Variants in RAD51B observed in about 807,000 individuals in gnomAD.
RAD51B encodes the protein DNA repair protein RAD51 homolog 2.
Under a neutral mutation model 42.2 loss-of-function variants are expected in RAD51B, and 38 were observed. That is an observed-to-expected ratio of 0.90 (90% CI 0.70 to 1.18). The LOEUF is 1.18. Ranked by LOEUF, RAD51B falls within the 50% of genes most tolerant of loss-of-function variation. The pLI is 0.00. For synonymous variants in RAD51B, 154 were observed against 145.2 expected, an observed-to-expected ratio of 1.06 and a Z score of -0.43; for missense variants, 373 against 400.7, an observed-to-expected ratio of 0.93 and a Z score of 0.59.
intron 7 of RAD51B, among the ~76,000 whole-genome samples, chr14:67,919,583 T>C (rs1035506219): frequency 2.6e-5 from 4 of 152,188 alleles, no homozygotes; most frequent in African/African-American, 7.2e-5. Flanking sequence ...TTGTCACTTC[T>C]CTAAAATTTA....
chr14:68,646,189 T>C (rs2140134245), intron 10 of RAD51B, among the ~76,000 whole-genome samples: 1 of 152,348 alleles, frequency 6.6e-6, no homozygotes, highest in African/African-American at 2.4e-5. Context: ...AGGGCTTTTC[T>C]GTAAACTAGT....
At chr14:68,643,769 C>T (rs1364430776) in intron 10 of RAD51B, among the ~76,000 whole-genome samples, 1 of 152,174 alleles carries the variant, frequency 6.6e-6, no homozygotes, top group Admixed American at 6.5e-5. Flanking sequence ...TCTGGGAGGA[C>T]CATCCACCCC....
At chr14:67,964,626 T>C (rs1395553670) in intron 7 of RAD51B, among the ~76,000 whole-genome samples, 1 of 152,202 alleles carries the variant, frequency 6.6e-6, no homozygotes, top group African/African-American at 2.4e-5. Flanking sequence ...CTTTTTCTTT[T>C]TTTTTCCCCC....
intron 3 of RAD51B, among the ~76,000 whole-genome samples, chr14:67,830,877 T>TTTTTTTTTTTTTTG: frequency 1.4e-5 from 2 of 147,726 alleles, no homozygotes. Context: ...AGATTCAATT[T>TTTTTTTTTTTTTTG]AGTACTTGTG....
downstream of RAD51B, among the ~76,000 whole-genome samples, chr14:68,480,386 CTT>C (rs1883079796): frequency 6.6e-6 from 1 of 152,126 alleles, no homozygotes; most frequent in Non-Finnish European, 1.5e-5. Context: ...GTAAATCTGT[CTT>C]TTGTTATGGG....
At chr14:68,311,185 T>C (rs1334835397) in intron 8 of RAD51B, among the ~76,000 whole-genome samples, 3 of 152,234 alleles carry the variant, frequency 2.0e-5, no homozygotes, top group Non-Finnish European at 2.9e-5. Context: ...ACTTACTAAA[T>C]AGGCCATTTG....
intron 7 of RAD51B, among the ~76,000 whole-genome samples, chr14:68,030,873 A>C (rs1226395133): frequency 6.6e-6 from 1 of 152,210 alleles, no homozygotes; most frequent in Admixed American, 6.5e-5. Flanking sequence ...CTGTAGGGTT[A>C]TTAATTGGCC....
At position 68,037,033 on chromosome 14, in the gene RAD51B, TC is replaced by T. The variant is rs199949867; in HGVS notation, c.756+149836del. ...ACAAGACAGGAATTGTTACCCTCCC[TC>T]CCCCCCTCCCTTCCTTCCTTCCTTC... On this transcript the variant is annotated intron_variant, in intron 7 of 10. Transcript: ENST00000471583. Among the ~76,000 whole-genome samples, 347 of 41,068 alleles carry T rather than the reference TC, an allele frequency of 8.4e-3. 3 individuals carry two copies. Among genetic ancestry groups the T allele is most frequent in the African/African-American group, 0.032 (317 of 10,028 alleles). 26.9% of individuals were successfully genotyped at this position (41,068 alleles called of 152,430 possible).
At chr14:68,230,064 G>A (rs920046506) in intron 7 of RAD51B, among the ~76,000 whole-genome samples, 1 of 152,168 alleles carries the variant, frequency 6.6e-6, no homozygotes, top group Non-Finnish European at 1.5e-5. Flanking sequence ...TTTTCAACTA[G>A]GTATCCAGCA....
At chr14:67,858,420 G>C (rs2042064814) in intron 4 of RAD51B, among the ~76,000 whole-genome samples, 1 of 152,216 alleles carries the variant, frequency 6.6e-6, no homozygotes, top group Non-Finnish European at 1.5e-5. Flanking sequence ...AAGTCCAGCT[G>C]TCTTACCCAA....
intron 7 of RAD51B, among the ~76,000 whole-genome samples, chr14:68,149,134 T>A (rs2078319016): frequency 6.6e-6 from 1 of 152,178 alleles, no homozygotes; most frequent in Non-Finnish European, 1.5e-5. Flanking sequence ...TTTGTAAAAA[T>A]TTTCTCCCAA....
At chr14:68,525,037 G>T (rs889864774) in intron 10 of RAD51B, among the ~76,000 whole-genome samples, 1 of 151,520 alleles carries the variant, frequency 6.6e-6, no homozygotes, top group African/African-American at 2.4e-5. Flanking sequence ...AAGCAAAAAA[G>T]GTGCTAATCA....
At chr14:68,468,492 A>G (rs1293028225) in intron 10 of RAD51B, 1 of 548,316 alleles carries the variant, frequency 1.8e-6, no homozygotes, top group East Asian at 3.5e-5. Flanking sequence ...GAATGAGACA[A>G]TCAAAACATG....
At chr14:68,169,116 C>T (rs2078814271) in intron 7 of RAD51B, among the ~76,000 whole-genome samples, 1 of 152,158 alleles carries the variant, frequency 6.6e-6, no homozygotes, top group Non-Finnish European at 1.5e-5. Context: ...TCCCTGAAGA[C>T]TCCAGCTTGC....
At chr14:68,487,234 C>G (rs1028239151) in intron 10 of RAD51B, among the ~76,000 whole-genome samples, 2 of 152,168 alleles carry the variant, frequency 1.3e-5, no homozygotes, top group Non-Finnish European at 2.9e-5. Context: ...AGGCCTCTCC[C>G]CTTGTCTTGC....
intron 10 of RAD51B, among the ~76,000 whole-genome samples, chr14:68,637,653 G>C (rs944199723): frequency 2.0e-5 from 3 of 152,194 alleles, no homozygotes; most frequent in Non-Finnish European, 4.4e-5. Context: ...GAGACATGTG[G>C]GCCCGGCAAG....
chr14:68,053,056 C>A (rs994344801), intron 7 of RAD51B, among the ~76,000 whole-genome samples: 4 of 152,074 alleles, frequency 2.6e-5, no homozygotes, highest in African/African-American at 9.7e-5. Flanking sequence ...TCTTCATCTG[C>A]AGAAAAAGGG....
intron 7 of RAD51B, among the ~76,000 whole-genome samples, chr14:67,964,989 C>G (rs1056057740): frequency 6.6e-6 from 1 of 152,200 alleles, no homozygotes; most frequent in African/African-American, 2.4e-5. Context: ...TCCTGGCACA[C>G]GTTAGCATTA....
chr14:68,553,966 T>C (rs1888704963), intron 10 of RAD51B, among the ~76,000 whole-genome samples: 1 of 152,158 alleles, frequency 6.6e-6, no homozygotes, highest in Non-Finnish European at 1.5e-5. Context: ...TGAGTTACTT[T>C]TAGGGTATAA....
Sources: gnomAD v4.1 joint callset for allele counts (sites outside exome capture counted in the v4.1 genomes callset) on GRCh38, gnomAD v4.1.1 for gene constraint, MANE v1.5 for transcripts, NCBI Gene and HGNC (gene_info 2026-07-23, HGNC 2026-07-21) for gene names.